RASSF1: variants seen among roughly 807,000 people sequenced by gnomAD.
RASSF1 encodes ras association domain-containing protein 1.
In RASSF1, 33 loss-of-function variants were observed where a neutral mutation model predicts 34.3. The ratio of observed to expected loss-of-function variants is 0.96; its 90% CI spans 0.73 to 1.29. RASSF1 has a LOEUF of 1.29. RASSF1 is among the 50% of genes most tolerant of loss of function. The probability of loss-of-function intolerance (pLI) is 0.00; values close to 1 mark genes in which losing one functional copy is unlikely to be tolerated. For synonymous variants in RASSF1, 191 were observed against 195.0 expected, an observed-to-expected ratio of 0.98 and a Z score of 0.17; for missense variants, 445 against 471.8, an observed-to-expected ratio of 0.94 and a Z score of 0.53.
At chr3:50,332,688 A>C (rs1702989414) in intron 2 of RASSF1, among the ~76,000 whole-genome samples, 1 of 151,872 alleles carries the variant, frequency 6.6e-6, no homozygotes, top group Non-Finnish European at 1.5e-5. Flanking sequence ...ACTGTTCAGG[A>C]GGCTGAGGTG....
intron 2 of RASSF1, 161 bp downstream of exon 2, chr3:50,337,744 G>A: frequency 1.1e-6 from 1 of 892,424 alleles, no homozygotes; most frequent in Middle Eastern, 3.5e-4. Context: ...GGCAATCCAG[G>A]CTCCCCTCCC....
Position 50,330,699 on chromosome 3 carries a change from T to A in RASSF1, c.905A>T (p.His302Leu), listed in dbSNP as rs782713373. 2 of 1,614,050 alleles carry A rather than the reference T, an allele frequency of 1.2e-6. No homozygotes were observed. The highest frequency in any genetic ancestry group is 8.5e-7 in the Non-Finnish European group (1 of 1,179,972). ...CCGCTGCAGGATACGTAGGAAGTTATGTAGTTCAGGCATGCTGAAGGCGTC... is the reference window on the plus strand; with the variant it reads ...CCGCTGCAGGATACGTAGGAAGTTAAGTAGTTCAGGCATGCTGAAGGCGTC... ...NWDAFSMPEL[H>L]NFLRILQREE... The change falls in exon 6 of 6, where the codon CAT (histidine) becomes CTT (leucine). Residue 302 changes from histidine (H) to leucine (L), a missense_variant. Physicochemically the swap from His to Leu is moderately conservative, Grantham distance 99. Transcript: ENST00000359365. This position sits in a 1 kb window ranked among gnomAD's most constrained non-coding sequence, Gnocchi z 4.5.
chr3:50,333,793 C>G (rs962782918), intron 2 of RASSF1, among the ~76,000 whole-genome samples: 1 of 152,098 alleles, frequency 6.6e-6, no homozygotes, highest in Non-Finnish European at 1.5e-5. Flanking sequence ...AGATTTTTAA[C>G]TCGACCACTC....
rs1453214235 is a variant in RASSF1, at chr3:50,340,781, C to T, written c.25G>A (p.Glu9Lys). The change falls in exon 1 of 6, where the codon GAG becomes AAG. Residue 9 changes from glutamate (E) to lysine (K), a missense_variant. Coordinates refer to ENST00000359365, the MANE Select transcript of RASSF1 (RefSeq NM_007182.5). MSGEPELI[E>K]LRELAPAGRA... ...CCAGCGGGTGCCAGCTCCCGCAGCTCAATGAGCTCAGGCTCCCCCGACATG... is the reference window on the plus strand; with the variant it reads ...CCAGCGGGTGCCAGCTCCCGCAGCTTAATGAGCTCAGGCTCCCCCGACATG... 31 of 1,513,176 alleles carry T rather than the reference C, an allele frequency of 2.0e-5. No individual in the cohort carries two copies. The highest frequency in any genetic ancestry group is 2.6e-5 in the Non-Finnish European group (30 of 1,140,676). The allele number at this position is 1,513,176 out of a possible 1,614,324, so 93.7% of individuals were successfully genotyped here.
chr3:50,337,879 C>T, intron 2 of RASSF1, 26 bp downstream of exon 2: 1 of 1,551,980 alleles, frequency 6.4e-7, no homozygotes, highest in Non-Finnish European at 8.9e-7. Context: ...CTCGCCCTTC[C>T]CATACGCCCT....
chr3:50,330,354 GC>G lies in RASSF1; in HGVS notation c.*226del, dbSNP rs1179083103. On this transcript the variant is annotated 3_prime_UTR_variant, in exon 6 of 6. Coordinates refer to ENST00000359365, the MANE Select transcript of RASSF1 (RefSeq NM_007182.5). This position sits in a 1 kb window ranked among gnomAD's most constrained non-coding sequence, Gnocchi z 4.5. Reference sequence around the variant, plus strand: ...GGAGCAGCTTCTCAGGGCAGCCCTGGCCCACTAAGGCCCAGTAATGAGGGCA... The same window carrying G: ...GGAGCAGCTTCTCAGGGCAGCCCTGGCCACTAAGGCCCAGTAATGAGGGCA... 4 of 558,824 alleles carry G rather than the reference GC, an allele frequency of 7.2e-6. No individual in the cohort carries two copies. Among genetic ancestry groups the G allele is most frequent in the African/African-American group, 1.9e-5 (1 of 52,194 alleles). 34.6% of individuals were successfully genotyped at this position (558,824 alleles called of 1,614,324 possible).
At chr3:50,331,530 C>T in intron 4 of RASSF1, 29 bp downstream of exon 4, 3 of 1,392,078 alleles carry the variant, frequency 2.2e-6, no homozygotes, top group Non-Finnish European at 3.0e-6. Context: ...TATACCCTCA[C>T]ATAGGGCAGG....
intron 2 of RASSF1, among the ~76,000 whole-genome samples, chr3:50,332,618 T>C (rs747678479): frequency 2.0e-5 from 3 of 150,152 alleles, no homozygotes; most frequent in Non-Finnish European, 4.4e-5. Flanking sequence ...CAAGACCTCA[T>C]CTCTACTAAA....
chr3:50,337,440 C>T, intron 2 of RASSF1: 1 of 1,578,208 alleles, frequency 6.3e-7, no homozygotes, highest in Non-Finnish European at 8.6e-7. Context: ...CGCGCCGCAA[C>T]CGTTAAGACT....
chr3:50,337,013 C>T, intron 2 of RASSF1: 2 of 1,042,558 alleles, frequency 1.9e-6, no homozygotes, highest in Non-Finnish European at 1.3e-6. Context: ...CGGGGTCTTA[C>T]GCACGGTTCC....
At position 50,330,367 on chromosome 3, in the gene RASSF1, C is replaced by T; in HGVS notation, c.*214G>A. The T allele has an allele frequency of 1.6e-6, 1 of 627,718 alleles. No homozygotes were observed. Among genetic ancestry groups the T allele is most frequent in the Non-Finnish European group, 2.6e-6 (1 of 378,084 alleles). 38.9% of individuals were successfully genotyped at this position (627,718 alleles called of 1,614,324 possible). A position where few individuals can be genotyped will look rare whatever the true frequency, so the allele number is the denominator to read the frequency against. On this transcript the variant is annotated 3_prime_UTR_variant, in exon 6 of 6. Transcript: ENST00000359365. The surrounding 1 kb of genome is among the most constrained non-coding windows in gnomAD (Gnocchi z 4.5). ...AGGGCAGCCCTGGCCCACTAAGGCC[C>T]AGTAATGAGGGCAGAGGGGTGCAGA...
In RASSF1 at chr3:50,330,635, G is replaced by C; in HGVS notation, c.969C>G (p.Tyr323Ter). The change falls in exon 6 of 6, where the codon TAC becomes TAG. Residue 323 changes from tyrosine to a stop codon, truncating the protein, a stop_gained. Coordinates refer to ENST00000359365, the MANE Select transcript of RASSF1 (RefSeq NM_007182.5). LOFTEE classifies it high-confidence loss of function. The surrounding 1 kb of genome is among the most constrained non-coding windows in gnomAD (Gnocchi z 4.5). Reference sequence around the variant, plus strand: ...CTTGGATCTTCTGGCGGCAATAGGAGTACTTCTGCAGGATCTGGCGGAGGT... The same window carrying C: ...CTTGGATCTTCTGGCGGCAATAGGACTACTTCTGCAGGATCTGGCGGAGGT... Reference protein sequence around the residue: ...EEHLRQILQKYSYCRQKIQEA... With the variant: ...EEHLRQILQK 5 of 1,614,190 alleles carry C rather than the reference G, an allele frequency of 3.1e-6. No homozygotes were observed. The highest frequency in any genetic ancestry group is 4.2e-6 in the Non-Finnish European group (5 of 1,180,020).
At position 50,330,354 on chromosome 3, in the gene RASSF1, G is replaced by T; in HGVS notation, c.*227C>A. ...GGAGCAGCTTCTCAGGGCAGCCCTG[G>T]CCCACTAAGGCCCAGTAATGAGGGC... On this transcript the variant is annotated 3_prime_UTR_variant, in exon 6 of 6. Coordinates refer to ENST00000359365, the MANE Select transcript of RASSF1 (RefSeq NM_007182.5). The surrounding 1 kb of genome is among the most constrained non-coding windows in gnomAD (Gnocchi z 4.5). 1.8e-6 allele frequency: 1 copy of T among 558,944 alleles called. No individual in the cohort carries two copies. The allele number at this position is 558,944 out of a possible 1,614,324, so 34.6% of individuals were successfully genotyped here. A position where few individuals can be genotyped will look rare whatever the true frequency, so the allele number is the denominator to read the frequency against.
At chr3:50,340,515 T>TC in intron 1 of RASSF1, 41 bp downstream of exon 1, 12 of 1,426,508 alleles carry the variant, frequency 8.4e-6, no homozygotes, top group Middle Eastern at 3.6e-4. Context: ...GCCCCTTGGC[T>TC]GCCCCTTCCG....
At chr3:50,337,708 G>C in intron 2 of RASSF1, 197 bp downstream of exon 2, 1 of 835,696 alleles carries the variant, frequency 1.2e-6, no homozygotes, top group Non-Finnish European at 1.9e-6. Context: ...GGGTCCGCTT[G>C]CAGCGGGTGG....
rs1702911523 is a variant in RASSF1, at chr3:50,330,835, C to T, written c.877-108G>A. On this transcript the variant is annotated intron_variant, in intron 5 of 5. Coordinates refer to ENST00000359365, the MANE Select transcript of RASSF1 (RefSeq NM_007182.5). This position sits in a 1 kb window ranked among gnomAD's most constrained non-coding sequence, Gnocchi z 4.5. ...CATGTTCACACAAGCTAGGACTGGG[C>T]TTTCTGATGTCAGGCTCTTGGCTGA... The T allele has an allele frequency of 3.2e-6, 4 of 1,265,514 alleles. No individual in the cohort carries two copies. The highest frequency in any genetic ancestry group is 5.0e-5 in the East Asian group (2 of 39,824). 78.4% of individuals were successfully genotyped at this position (1,265,514 alleles called of 1,614,324 possible).
At chr3:50,331,094 A>T (rs186899036) in intron 5 of RASSF1, among the ~76,000 whole-genome samples, 228 of 152,328 alleles carry the variant, frequency 1.5e-3, no homozygotes, top group Admixed American at 4.2e-3. Flanking sequence ...CATCTCCAGA[A>T]GATTTTCCAC....
intron 2 of RASSF1, among the ~76,000 whole-genome samples, chr3:50,335,595 A>G (rs1222715751): frequency 1.3e-5 from 2 of 152,120 alleles, no homozygotes; most frequent in Non-Finnish European, 2.9e-5. Flanking sequence ...CTGAGATTAC[A>G]GGCATGAGTC....
Position 50,337,896 on chromosome 3 carries a change from C to T in RASSF1, c.357+9G>A. ...CGCCCTTCCCATACGCCCTCGGCCC[C>T]GCGCTCACCACGTTCGTGTCCCGCT... On this transcript the variant is annotated intron_variant, in intron 2 of 5. Coordinates refer to ENST00000359365, the MANE Select transcript of RASSF1 (RefSeq NM_007182.5). The T allele has an allele frequency of 1.3e-6, 2 of 1,590,130 alleles. No individual in the cohort carries two copies. The highest frequency in any genetic ancestry group is 1.7e-6 in the Non-Finnish European group (2 of 1,159,826).
Sources: gnomAD v4.1 joint callset for allele counts (sites outside exome capture counted in the v4.1 genomes callset) on GRCh38, gnomAD v4.1.1 for gene constraint, Gnocchi (gnomAD v3.1) non-coding constraint, MANE v1.5 for transcripts, NCBI Gene and HGNC (gene_info 2026-07-23, HGNC 2026-07-21) for gene names.